IPO11: variants seen among roughly 807,000 people sequenced by gnomAD.
IPO11 encodes importin-11.
A neutral mutation model predicts 143.2 loss-of-function variants in IPO11; 66 were observed. That is an observed-to-expected ratio of 0.46 (90% confidence interval 0.38 to 0.57). The LOEUF (loss-of-function observed/expected upper bound fraction) is 0.57, where lower values mean the gene tolerates loss of function less well. Ranked by LOEUF, IPO11 falls within the 20% of genes least tolerant of loss-of-function variation. IPO11 has a pLI of 0.00. For missense variants in IPO11, 1,026 were observed against 1,141.0 expected, an observed-to-expected ratio of 0.90 and a Z score of 1.45; for synonymous variants, 385 against 377.8, an observed-to-expected ratio of 1.02 and a Z score of -0.22.
intron 5 of IPO11, among the ~76,000 whole-genome samples, chr5:62,455,196 G>A (rs1250682100): frequency 6.6e-6 from 1 of 152,144 alleles, no homozygotes; most frequent in African/African-American, 2.4e-5. Flanking sequence ...AAAGGAAGAT[G>A]CAAAGATGGT....
chr5:62,462,637 C>A (rs192337703), intron 5 of IPO11, among the ~76,000 whole-genome samples: 51 of 152,284 alleles, frequency 3.3e-4, no homozygotes, highest in Admixed American at 2.9e-3. Flanking sequence ...CTCAAGCAAT[C>A]CTCCTGTCTC....
intron 27 of IPO11, among the ~76,000 whole-genome samples, chr5:62,584,132 T>C (rs577589006): frequency 6.6e-6 from 1 of 152,332 alleles, no homozygotes; most frequent in East Asian, 1.9e-4. Context: ...ATATAACTTT[T>C]AAATTTATAA....
chr5:62,417,686 A>G (rs575008912), intron 1 of IPO11, among the ~76,000 whole-genome samples: 46 of 152,334 alleles, frequency 3.0e-4, no homozygotes, highest in Middle Eastern at 3.4e-3. Context: ...CACACTCTTC[A>G]TGAATGGTCT....
At chr5:62,431,957 A>G (rs1474466088) in intron 1 of IPO11, among the ~76,000 whole-genome samples, 1 of 151,630 alleles carries the variant, frequency 6.6e-6, no homozygotes, top group Admixed American at 6.6e-5. Context: ...ACATACATAC[A>G]TACATACATA....
At chr5:62,474,356 G>A in intron 7 of IPO11, 60 bp from the exon 8 acceptor site, 1 of 1,043,648 alleles carries the variant, frequency 9.6e-7, no homozygotes, top group Non-Finnish European at 1.4e-6. Context: ...CCCTGAAAAA[G>A]ATACAAGGTA....
rs780798979 is a variant in IPO11, at chr5:62,580,298, A to T, written c.2583-11279A>T. The T allele has an allele frequency of 3.9e-6, 6 of 1,537,610 alleles. No homozygotes were observed. In the South Asian group the frequency reaches 7.2e-5, roughly 18 times the overall value. On this transcript the variant is annotated intron_variant, in intron 27 of 29. Coordinates refer to ENST00000325324, the MANE Select transcript of IPO11 (RefSeq NM_016338.5). ...AAACATTTGATCTTAAGTCATAATG[A>T]TTTAGAGAATTTAAATTCTGACACA...
intron 5 of IPO11, among the ~76,000 whole-genome samples, chr5:62,465,718 A>G (rs1191949870): frequency 6.6e-6 from 1 of 152,260 alleles, no homozygotes; most frequent in Non-Finnish European, 1.5e-5. Context: ...AAGTATACAC[A>G]CAAGATGAGG....
intron 1 of IPO11, among the ~76,000 whole-genome samples, chr5:62,431,439 G>T (rs910974237): frequency 2.0e-5 from 3 of 152,230 alleles, no homozygotes; most frequent in African/African-American, 7.2e-5. Context: ...ACCCAGGTTG[G>T]AGTGCAGTGG....
chr5:62,581,125 A>G, intron 27 of IPO11: 1 of 1,549,960 alleles, frequency 6.5e-7, no homozygotes, highest in Non-Finnish European at 8.7e-7. Flanking sequence ...AGAAAACTCA[A>G]GGGAAAATAG....
At chr5:62,492,156 A>T (rs761107709) in intron 15 of IPO11, among the ~76,000 whole-genome samples, 1 of 152,154 alleles carries the variant, frequency 6.6e-6, no homozygotes, top group Non-Finnish European at 1.5e-5. Flanking sequence ...AAAGTGATCT[A>T]TACTTTTACT....
intron 20 of IPO11, among the ~76,000 whole-genome samples, chr5:62,516,058 T>G (rs1207552595): frequency 1.3e-5 from 2 of 152,162 alleles, no homozygotes; most frequent in African/African-American, 4.8e-5. Context: ...AGAGTATGGT[T>G]AGGGAAGAGC....
intron 15 of IPO11, among the ~76,000 whole-genome samples, chr5:62,491,749 T>C (rs1036719278): frequency 2.0e-5 from 3 of 150,502 alleles, no homozygotes; most frequent in Non-Finnish European, 4.4e-5. Flanking sequence ...CACTGCAAGC[T>C]CTGCCTCCCG....
chr5:62,617,013 T>C lies in IPO11; in HGVS notation c.2764-10141T>C, dbSNP rs1220789675. On this transcript the variant is annotated intron_variant, in intron 29 of 29. Coordinates refer to ENST00000325324, the MANE Select transcript of IPO11 (RefSeq NM_016338.5). ...TTCAACATTTCCTCTTTATAGCACC[T>C]GCACTTTTCAGTCCTTCACCTGATA... 3.9e-5 allele frequency among the ~76,000 whole-genome samples: 6 copies of C among 152,216 alleles called. No homozygotes were observed. In the East Asian group the frequency reaches 1.2e-3, roughly 29 times the overall value.
chr5:62,494,603 G>T (rs1214392360), intron 16 of IPO11, among the ~76,000 whole-genome samples: 1 of 151,950 alleles, frequency 6.6e-6, no homozygotes, highest in Non-Finnish European at 1.5e-5. Flanking sequence ...GAACTTGATA[G>T]TAAGCTCTTC....
chr5:62,443,313 A>G, intron 3 of IPO11: 3 of 407,652 alleles, frequency 7.4e-6, no homozygotes, highest in South Asian at 5.2e-5. Flanking sequence ...TTACTACTGA[A>G]TAAGTGTTCT....
intron 28 of IPO11, among the ~76,000 whole-genome samples, chr5:62,593,239 A>C (rs1452644152): frequency 2.0e-5 from 3 of 152,216 alleles, no homozygotes; most frequent in African/African-American, 7.2e-5. Context: ...AGGATGTAGG[A>C]AGTAGAACAA....
At chr5:62,504,101 T>A (rs188567181) in intron 16 of IPO11, among the ~76,000 whole-genome samples, 27 of 152,358 alleles carry the variant, frequency 1.8e-4, no homozygotes, top group African/African-American at 6.3e-4. Context: ...GGTAACATGC[T>A]GGTACACATG....
chr5:62,479,268 C>T (rs879079780), intron 9 of IPO11, among the ~76,000 whole-genome samples: 1 of 152,166 alleles, frequency 6.6e-6, no homozygotes, highest in African/African-American at 2.4e-5. Context: ...GACGTGAACT[C>T]ATCCTTTTTT....
In IPO11 at chr5:62,579,374, T is replaced by A. The variant is rs1326041019; in HGVS notation, c.2583-12203T>A. Reference sequence around the variant, plus strand: ...ATTCATTTGATGAAGTTTTCGTGATTTAAAGCTTTACCTTCTCTTTTTATA... The same window carrying A: ...ATTCATTTGATGAAGTTTTCGTGATATAAAGCTTTACCTTCTCTTTTTATA... On this transcript the variant is annotated intron_variant, in intron 27 of 29. Transcript: ENST00000325324. 4.1e-6 allele frequency: 6 copies of A among 1,460,346 alleles called. 1 individual carries two copies. In the South Asian group the frequency reaches 7.4e-5, roughly 18 times the overall value. 90.5% of individuals were successfully genotyped at this position (1,460,346 alleles called of 1,614,324 possible). A position where few individuals can be genotyped will look rare whatever the true frequency, so the allele number is the denominator to read the frequency against.
Sources: gnomAD v4.1 joint callset for allele counts (sites outside exome capture counted in the v4.1 genomes callset) on GRCh38, gnomAD v4.1.1 for gene constraint, MANE v1.5 for transcripts, NCBI Gene and HGNC (gene_info 2026-07-23, HGNC 2026-07-21) for gene names.